The following KLF8 variants were observed in gnomAD, a reference collection of about 807,000 sequenced individuals.
KLF8 encodes Krueppel-like factor 8.
In KLF8, 10 loss-of-function variants were observed where a neutral mutation model predicts 18.2. The observed-to-expected ratio is 0.55, with a 90% CI of 0.34 to 0.93. KLF8 has a LOEUF of 0.93. Ranked by LOEUF, KLF8 falls within the 40% of genes least tolerant of loss-of-function variation. The pLI, the probability that KLF8 is intolerant of heterozygous loss-of-function variation, is 0.02. For missense variants in KLF8, 264 were observed against 277.9 expected, an observed-to-expected ratio of 0.95 and a Z score of 0.36; for synonymous variants, 109 against 97.3, an observed-to-expected ratio of 1.12 and a Z score of -0.71.
the KLF8 span, among the ~76,000 whole-genome samples, chrX:56,138,739 C>G: frequency 9.0e-6 from 1 of 111,566 alleles, no homozygotes; most frequent in South Asian, 3.7e-4. Flanking sequence ...TGGAAACATT[C>G]TCCTTGAGAA....
At chrX:55,999,131 A>T in the KLF8 span, among the ~76,000 whole-genome samples, 1 of 108,729 alleles carries the variant, frequency 9.2e-6, no homozygotes, top group African/African-American at 3.4e-5. Flanking sequence ...TGTCTGCTTT[A>T]TCAAAGAGCA....
chrX:56,226,436 C>A, the KLF8 span, among the ~76,000 whole-genome samples: 1 of 111,785 alleles, frequency 8.9e-6, no homozygotes, highest in African/African-American at 3.3e-5. Context: ...GCTAGTTTTA[C>A]TCTCCATAAA....
the KLF8 span, among the ~76,000 whole-genome samples, chrX:56,216,513 G>GATTTATTTATTTATTT: frequency 2.2e-5 from 2 of 91,070 alleles, no homozygotes; most frequent in Non-Finnish European, 4.4e-5. Context: ...TCTGGCTGCT[G>GATTTATTTATTTATTT]ATTTATTTAT....
chrX:55,939,727 A>C, the KLF8 span, among the ~76,000 whole-genome samples: 1 of 111,932 alleles, frequency 8.9e-6, no homozygotes, highest in Non-Finnish European at 1.9e-5. Flanking sequence ...ACAAGCTACC[A>C]TCAGAGAATA....
the KLF8 span, among the ~76,000 whole-genome samples, chrX:56,077,599 G>A: frequency 8.9e-6 from 1 of 111,775 alleles, no homozygotes; most frequent in Non-Finnish European, 1.9e-5. Flanking sequence ...TTATTCTGTT[G>A]GCTTAGGATT....
the KLF8 span, among the ~76,000 whole-genome samples, chrX:56,185,817 C>T: frequency 4.5e-5 from 5 of 111,637 alleles, no homozygotes; most frequent in Non-Finnish European, 9.4e-5. Context: ...TACAGAAAAG[C>T]AAATGCTGAG....
At chrX:56,080,919 C>A in the KLF8 span, among the ~76,000 whole-genome samples, 1 of 110,794 alleles carries the variant, frequency 9.0e-6, no homozygotes, top group Admixed American at 9.6e-5. Flanking sequence ...TCACTGATAC[C>A]CTTTCTTCCA....
chrX:55,963,989 T>C, the KLF8 span, among the ~76,000 whole-genome samples: 1 of 111,546 alleles, frequency 9.0e-6, no homozygotes, highest in Admixed American at 9.5e-5. Context: ...ACTCATAAAA[T>C]TACATGGAAA....
At chrX:56,069,961 T>C in the KLF8 span, among the ~76,000 whole-genome samples, 8 of 113,006 alleles carry the variant, frequency 7.1e-5, no homozygotes, top group African/African-American at 2.6e-4. Context: ...CATATGTTTA[T>C]TGCAGCACTA....
chrX:56,098,678 G>A, the KLF8 span, among the ~76,000 whole-genome samples: 477 of 111,384 alleles, frequency 4.3e-3, 5 homozygotes, highest in African/African-American at 0.015. Context: ...TCAGAAACAA[G>A]GCAAGAATGC....
At chrX:56,155,519 G>A in the KLF8 span, among the ~76,000 whole-genome samples, 1 of 110,500 alleles carries the variant, frequency 9.0e-6, no homozygotes, top group Non-Finnish European at 1.9e-5. Flanking sequence ...ACGAGTTAAT[G>A]GGTGCACCTC....
the KLF8 span, among the ~76,000 whole-genome samples, chrX:55,959,885 C>CA: frequency 0.2 from 19,801 of 98,668 alleles, 4,023 homozygotes; most frequent in African/African-American, 0.6. Context: ...TAGGAAAATG[C>CA]AAAAAAAAAA....
chrX:56,033,419 G>A, the KLF8 span, among the ~76,000 whole-genome samples: 2 of 110,048 alleles, frequency 1.8e-5, no homozygotes, highest in African/African-American at 3.3e-5. Context: ...AATTTTTTTT[G>A]ATGGGCACTT....
chrX:56,185,820 A>T, the KLF8 span, among the ~76,000 whole-genome samples: 1 of 111,845 alleles, frequency 8.9e-6, no homozygotes, highest in African/African-American at 3.3e-5. Flanking sequence ...AGAAAAGCAA[A>T]TGCTGAGAGA....
the KLF8 span, among the ~76,000 whole-genome samples, chrX:56,086,951 C>T: frequency 2.7e-5 from 3 of 111,528 alleles, no homozygotes; most frequent in Non-Finnish European, 5.6e-5. Flanking sequence ...AATCCAGCCA[C>T]TGGGAGACTA....
chrX:56,265,318 C>T lies in KLF8; in HGVS notation c.220C>T (p.Leu74Phe). The T allele has an allele frequency of 8.3e-7, 1 of 1,208,147 alleles. No individual in the cohort carries two copies. The highest frequency in any genetic ancestry group is 2.2e-5 in the Admixed American group (1 of 45,597). ...CATCAAGATTGAGCCCCCAGAAGAA[C>T]TTTTGGCTAGTGATTTCAGCCTGCC... ...NDIKIEPPEELLASDFSLPQV... is the reference protein window; with the variant it reads ...NDIKIEPPEEFLASDFSLPQV... The change falls in exon 3 of 6, where the codon CTT becomes TTT. Residue 74 changes from leucine to phenylalanine, a missense_variant. Physicochemically the swap from Leu to Phe is conservative, Grantham distance 22 (BLOSUM62 0). Transcript: ENST00000468660.
chrX:55,976,117 CA>C, the KLF8 span, among the ~76,000 whole-genome samples: 2 of 111,377 alleles, frequency 1.8e-5, no homozygotes, highest in Non-Finnish European at 3.8e-5. Flanking sequence ...CTCAAAAAAA[CA>C]AAAAAACATG....
the KLF8 span, among the ~76,000 whole-genome samples, chrX:56,170,349 C>T: frequency 9.0e-6 from 1 of 110,617 alleles, no homozygotes; most frequent in African/African-American, 3.3e-5. Flanking sequence ...AAATAAGGAA[C>T]CAGGGACCAA....
chrX:56,206,399 G>T, the KLF8 span, among the ~76,000 whole-genome samples: 13 of 112,058 alleles, frequency 1.2e-4, no homozygotes, highest in African/African-American at 4.2e-4. Context: ...TCAAAAGCTA[G>T]TTAGTTACTT....
Sources: allele counts gnomAD v4.1 joint callset (sites outside exome capture counted in the v4.1 genomes callset), GRCh38; gene constraint gnomAD v4.1.1; transcripts MANE v1.5; gene names NCBI Gene and HGNC (gene_info 2026-07-23, HGNC 2026-07-21).